The following ITPR2 variants were observed in gnomAD, a reference collection of about 807,000 sequenced individuals.
ITPR2 encodes the protein inositol 1,4,5-trisphosphate receptor type 2.
A neutral mutation model predicts 317.1 loss-of-function variants in ITPR2; 207 were observed. That is an observed-to-expected ratio of 0.65 (90% CI 0.58 to 0.73). The LOEUF (loss-of-function observed/expected upper bound fraction) is 0.73, where lower values mean the gene tolerates loss of function less well. ITPR2 is among the 30% of genes least tolerant of loss of function. ITPR2 has a pLI of 0.00. For synonymous variants in ITPR2, 1,156 were observed against 1,149.1 expected, an observed-to-expected ratio of 1.01 and a Z score of -0.12; for missense variants, 2,613 against 3,284.0, an observed-to-expected ratio of 0.80 and a Z score of 4.99.
chr12:26,367,727 T>C (rs978456506), intron 55 of ITPR2, among the ~76,000 whole-genome samples: 1 of 152,326 alleles, frequency 6.6e-6, no homozygotes, highest in South Asian at 2.1e-4. Context: ...TTATTACGAT[T>C]TGAAAAGATC....
At chr12:26,664,816 A>G (rs1201583291) in intron 14 of ITPR2, among the ~76,000 whole-genome samples, 1 of 152,142 alleles carries the variant, frequency 6.6e-6, no homozygotes, top group East Asian at 1.9e-4. Context: ...ACTCGAAAAA[A>G]GTCCTATTAG....
chr12:26,478,673 T>C (rs140540423), intron 43 of ITPR2, among the ~76,000 whole-genome samples: 1 of 152,280 alleles, frequency 6.6e-6, no homozygotes, highest in South Asian at 2.1e-4. Flanking sequence ...TAAGAGTCTA[T>C]ATATACCACA....
rs150444632 is a variant in ITPR2, at chr12:26,510,630, A to G, written c.5074-15370T>C. On this transcript the variant is annotated intron_variant, in intron 37 of 56. Transcript: ENST00000381340. ...GCAGTCATTTTCTTTGGACCACTTA[A>G]TCTAGTCATTACAGGAGGACCCGCA... Among the ~76,000 whole-genome samples, 77 of 152,346 alleles carry G rather than the reference A, an allele frequency of 5.1e-4. 1 individual carries two copies. The highest frequency in any genetic ancestry group is 1.9e-3 in the East Asian group (10 of 5,188).
intron 35 of ITPR2, 104 bp downstream of exon 35, chr12:26,561,658 C>T (rs576227130): frequency 6.3e-6 from 6 of 959,044 alleles, no homozygotes; most frequent in Admixed American, 3.6e-5. Context: ...GGCCTGGTCC[C>T]CAAATAGAAC....
rs765284580 is a variant in ITPR2 at position 26,685,867 on chromosome 12, C to T, written c.1148+614G>A. Among the ~76,000 whole-genome samples, 6 of 152,182 alleles carry T rather than the reference C, an allele frequency of 3.9e-5. No homozygotes were observed. The East Asian group carries it at 5.8e-4, about 15-fold the overall frequency. On this transcript the variant is annotated intron_variant, in intron 11 of 56. Transcript: ENST00000381340. ...TCATTCAGATCGTTATTCAAATGTACTAACTCAGAGAGGCCACAGTTGAAC... is the reference window on the plus strand; with the variant it reads ...TCATTCAGATCGTTATTCAAATGTATTAACTCAGAGAGGCCACAGTTGAAC...
chr12:26,435,468 A>G (rs1565525169), intron 48 of ITPR2, among the ~76,000 whole-genome samples: 1 of 152,132 alleles, frequency 6.6e-6, no homozygotes, highest in Non-Finnish European at 1.5e-5. Flanking sequence ...CTTTCAAGCC[A>G]TTCTTTCCAT....
At chr12:26,799,660 CT>C (rs1167514611) in intron 1 of ITPR2, among the ~76,000 whole-genome samples, 1 of 152,204 alleles carries the variant, frequency 6.6e-6, no homozygotes, top group Non-Finnish European at 1.5e-5. Context: ...CTGGGCTTCT[CT>C]TTCTCCATCT....
At chr12:26,468,017 G>C (rs1207299283) in intron 45 of ITPR2, among the ~76,000 whole-genome samples, 1 of 152,100 alleles carries the variant, frequency 6.6e-6, no homozygotes. Context: ...AGCCAGGTCC[G>C]ACATACATGA....
rs556879164 is a variant in ITPR2 at position 26,687,698 on chromosome 12, G to A, written c.997-1066C>T. On this transcript the variant is annotated intron_variant, in intron 10 of 56. Transcript: ENST00000381340. ...CTCTTCTGTAAATGGTGCACAAATGGTAGCACCGTTGAAATGGGAATGGGC... is the reference window on the plus strand; with the variant it reads ...CTCTTCTGTAAATGGTGCACAAATGATAGCACCGTTGAAATGGGAATGGGC... Among the ~76,000 whole-genome samples, 4 of 152,168 alleles carry A rather than the reference G, an allele frequency of 2.6e-5. No individual in the cohort carries two copies. In the East Asian group the frequency reaches 7.7e-4, roughly 29 times the overall value.
chr12:26,604,826 T>C (rs1946084963), intron 26 of ITPR2, among the ~76,000 whole-genome samples: 1 of 152,164 alleles, frequency 6.6e-6, no homozygotes, highest in South Asian at 2.1e-4. Context: ...CCGGACGCAG[T>C]GGCTCACACC....
At chr12:26,551,719 A>G (rs1188235316) in intron 36 of ITPR2, among the ~76,000 whole-genome samples, 1 of 152,248 alleles carries the variant, frequency 6.6e-6, no homozygotes, top group African/African-American at 2.4e-5. Context: ...CTGGCAAGGA[A>G]GGCTCGGGAG....
chr12:26,419,067 T>C lies in ITPR2; in HGVS notation c.7092A>G (p.Glu2364=), dbSNP rs375944693. Reference sequence around the variant, plus strand: ...TACTCACCAGGAAGCTATAGAAGAATTCATGGACAAAAAGGCCCAGCATGC... The same window carrying C: ...TACTCACCAGGAAGCTATAGAAGAACTCATGGACAAAAAGGCCCAGCATGC... ...LVCMLGLFVH[E]FFYSFLLFDL... The change falls in exon 50 of 57, where the codon GAA becomes GAG. Residue 2364 remains glutamate, a synonymous_variant. Transcript: ENST00000381340. 19 of 1,613,254 alleles carry C rather than the reference T, an allele frequency of 1.2e-5. No homozygotes were observed. In the African/African-American group the frequency reaches 2.5e-4, roughly 22 times the overall value.
intron 1 of ITPR2, chr12:26,801,040 T>C (rs7136451): frequency 0.8 from 158,469 of 198,292 alleles, 63,619 homozygotes; most frequent in East Asian, 0.96. Context: ...CTTCACAGGC[T>C]GACGACTGAG....
chr12:26,352,829 T>A (rs1001398675), intron 55 of ITPR2, among the ~76,000 whole-genome samples: 1 of 152,230 alleles, frequency 6.6e-6, no homozygotes, highest in Non-Finnish European at 1.5e-5. Context: ...AGAAGAGAAC[T>A]GGGTTGCGCC....
At chr12:26,606,528 TA>T (rs1946131822) in intron 26 of ITPR2, among the ~76,000 whole-genome samples, 1 of 137,430 alleles carries the variant, frequency 7.3e-6, no homozygotes, top group African/African-American at 2.7e-5. Flanking sequence ...ATATTGGTTC[TA>T]AAGATAGTTC....
chr12:26,563,225 T>TTTA (rs933947191), intron 34 of ITPR2, among the ~76,000 whole-genome samples: 7 of 152,172 alleles, frequency 4.6e-5, no homozygotes, highest in African/African-American at 1.7e-4. Context: ...GTGTTAGAAC[T>TTTA]TGATAGAGAA....
At chr12:26,523,325 C>A (rs1943715541) in intron 37 of ITPR2, among the ~76,000 whole-genome samples, 1 of 152,184 alleles carries the variant, frequency 6.6e-6, no homozygotes, top group Non-Finnish European at 1.5e-5. Flanking sequence ...ATTTGTTCAA[C>A]ATTAAAAGGC....
intron 32 of ITPR2, among the ~76,000 whole-genome samples, chr12:26,592,991 G>C (rs1369054149): frequency 6.6e-6 from 1 of 152,122 alleles, no homozygotes; most frequent in Non-Finnish European, 1.5e-5. Flanking sequence ...TAACCCTATG[G>C]GGAATGTGAA....
At chr12:26,672,945 T>C (rs1304131858) in intron 13 of ITPR2, among the ~76,000 whole-genome samples, 1 of 151,930 alleles carries the variant, frequency 6.6e-6, no homozygotes, top group Admixed American at 6.6e-5. Flanking sequence ...AACTAGAAAA[T>C]CTAGAAGAAA....
Sources: gnomAD v4.1 joint callset for allele counts (sites outside exome capture counted in the v4.1 genomes callset) on GRCh38, gnomAD v4.1.1 for gene constraint, MANE v1.5 for transcripts, NCBI Gene and HGNC (gene_info 2026-07-23, HGNC 2026-07-21) for gene names.